The following CHD3 variants were observed in gnomAD, a reference collection of about 807,000 sequenced individuals.
CHD3 encodes the protein chromodomain helicase DNA binding protein 3.
A neutral mutation model predicts 248.9 loss-of-function variants in CHD3; 52 were observed. The ratio of observed to expected loss-of-function variants is 0.21; its 90% CI spans 0.17 to 0.26. The LOEUF is 0.26. Among genes scored for constraint, CHD3 ranks in the 10% least tolerant of loss-of-function variants. The pLI is 1.00. For missense variants in CHD3, 1,482 were observed against 2,605.8 expected, an observed-to-expected ratio of 0.57 and a Z score of 9.39; for synonymous variants, 985 against 985.2, an observed-to-expected ratio of 1.00 and a Z score of 0.00.
chr17:7,890,787 G>A (rs760529265), intron 3 of CHD3, 46 bp downstream of exon 3: 4 of 1,581,392 alleles, frequency 2.5e-6, no homozygotes, highest in African/African-American at 2.7e-5. Context: ...CATTAAAGAC[G>A]GGCATGAGGA....
Position 7,909,060 on chromosome 17 carries a change from G to T in CHD3, c.5395-83G>T. 1 of 1,526,148 alleles carries T rather than the reference G, an allele frequency of 6.6e-7. No individual in the cohort carries two copies. Among genetic ancestry groups the T allele is most frequent in the South Asian group, 1.2e-5 (1 of 82,334 alleles). The allele number at this position is 1,526,148 out of a possible 1,614,324, so 94.5% of individuals were successfully genotyped here. On this transcript the variant is annotated intron_variant, in intron 36 of 39. Coordinates refer to ENST00000330494, the MANE Select transcript of CHD3 (RefSeq NM_001005273.3). This position sits in a 1 kb window ranked among gnomAD's most constrained non-coding sequence, Gnocchi z 8.1. ...CTGGGCCAGCAGTGAGGGCAGGGTGGGTCTCTTGCTATGTCCGCCCCCCCA... is the reference window on the plus strand; with the variant it reads ...CTGGGCCAGCAGTGAGGGCAGGGTGTGTCTCTTGCTATGTCCGCCCCCCCA...
Position 7,908,093 on chromosome 17 carries a change from G to C in CHD3, c.5152+74G>C. On this transcript the variant is annotated intron_variant, in intron 34 of 39. Transcript: ENST00000330494. This position sits in a 1 kb window ranked among gnomAD's most constrained non-coding sequence, Gnocchi z 5.8. ...CCTCATGGGGTTTCTCGTTTTGCCT[G>C]AGGCTTCCTGCTACCTTTAATTCCA... 6.7e-7 allele frequency: 1 copy of C among 1,495,528 alleles called. No individual in the cohort carries two copies. 92.6% of individuals were successfully genotyped at this position (1,495,528 alleles called of 1,614,324 possible).
At position 7,910,297 on chromosome 17, in the gene CHD3, G is replaced by T; in HGVS notation, c.5591-131G>T. The T allele has an allele frequency of 3.7e-6, 4 of 1,079,398 alleles. No individual in the cohort carries two copies. The highest frequency in any genetic ancestry group is 5.6e-6 in the Non-Finnish European group (4 of 710,618). 66.9% of individuals were successfully genotyped at this position (1,079,398 alleles called of 1,614,324 possible). On this transcript the variant is annotated intron_variant, in intron 37 of 39. Transcript: ENST00000330494. This position sits in a 1 kb window ranked among gnomAD's most constrained non-coding sequence, Gnocchi z 4.7. ...TTACTTTCTTGATCTCTGGTTCTTT[G>T]ACATCTGTGTTCTCCTCTCTCGCTC... is the stretch of plus-strand genomic sequence containing the variant.
Position 7,909,674 on chromosome 17 carries a change from C to T in CHD3, c.5590+336C>T. The T allele has an allele frequency of 2.8e-6, 1 of 361,242 alleles. No homozygotes were observed. The highest frequency in any genetic ancestry group is 5.1e-6 in the Non-Finnish European group (1 of 197,160). 22.4% of individuals were successfully genotyped at this position (361,242 alleles called of 1,614,324 possible). ...TGCTTAACATCATCCAGTTAGGGGC[C>T]TTGGACTGTGAATGCACCATACAGA... On this transcript the variant is annotated intron_variant, in intron 37 of 39. Transcript: ENST00000330494. This position sits in a 1 kb window ranked among gnomAD's most constrained non-coding sequence, Gnocchi z 8.1.
Position 7,899,758 on chromosome 17 carries a change from C to G in CHD3, c.2545-138C>G. On this transcript the variant is annotated intron_variant, in intron 15 of 39. Coordinates refer to ENST00000330494, the MANE Select transcript of CHD3 (RefSeq NM_001005273.3). This position sits in a 1 kb window ranked among gnomAD's most constrained non-coding sequence, Gnocchi z 6.8. ...GAAATGTGGGCAGAGGTTTAGGAGC[C>G]ATGGTCTGTAATCCCTGCTTGGAGA... is the stretch of plus-strand genomic sequence containing the variant. The G allele has an allele frequency of 8.4e-7, 1 of 1,191,796 alleles. No homozygotes were observed. Among genetic ancestry groups the G allele is most frequent in the Admixed American group, 2.1e-5 (1 of 46,718 alleles). The allele number at this position is 1,191,796 out of a possible 1,614,324, so 73.8% of individuals were successfully genotyped here. A position where few individuals can be genotyped will look rare whatever the true frequency, so the allele number is the denominator to read the frequency against.
chr17:7,893,391 A>G lies in CHD3; in HGVS notation c.615A>G (p.Ser205=). The G allele has an allele frequency of 1.9e-6, 3 of 1,613,764 alleles. 1 individual carries two copies. The highest frequency in any genetic ancestry group is 8.5e-7 in the Non-Finnish European group (1 of 1,179,838). The change falls in exon 5 of 40, where the codon TCA becomes TCG. Residue 205 remains serine (S), a synonymous_variant. Transcript: ENST00000330494. The part of the protein sequence containing the change: ...EFSANNPFKG[S]AAAVAAAAAA... ...GTGCCAACAACCCCTTCAAGGGGTC[A>G]GCAGCTGCTGTGGCGGCGGCAGCGG...
chr17:7,884,872 A>C, upstream of CHD3: 3 of 1,227,962 alleles, frequency 2.4e-6, no homozygotes, highest in Admixed American at 2.5e-5. Context: ...AGGAGGAAGA[A>C]GAGGAGGAAG....
Position 7,903,877 on chromosome 17 carries a change from C to A in CHD3, c.3780C>A (p.Ile1260=). Residue 1260 remains isoleucine (I), a synonymous_variant, in exon 24 of 40, where the codon ATC becomes ATA. Transcript: ENST00000330494. This position sits in a 1 kb window ranked among gnomAD's most constrained non-coding sequence, Gnocchi z 6.8. ...SSVIHYDNEA[I]ARLLDRNQDA... is the part of the protein sequence containing the mutation. ...TGATTCATTATGACAATGAGGCCAT[C>A]GCTCGGCTGTTGGACCGGAACCAGG... 1 of 1,614,110 alleles carries A rather than the reference C, an allele frequency of 6.2e-7. No homozygotes were observed.
Position 7,900,170 on chromosome 17 carries a change from GA to G in CHD3, c.2683-119del. 1 of 1,536,944 alleles carries G rather than the reference GA, an allele frequency of 6.5e-7. No homozygotes were observed. The highest frequency in any genetic ancestry group is 1.2e-5 in the South Asian group (1 of 81,896). ...AGGTTGGAAGAGGGAGAGGGCCAGAGATTTGGGGCCTCTGATCCTGAGTGAA... is the reference window on the plus strand; with the variant it reads ...AGGTTGGAAGAGGGAGAGGGCCAGAGTTTGGGGCCTCTGATCCTGAGTGAA... On this transcript the variant is annotated intron_variant, in intron 16 of 39. Transcript: ENST00000330494. This position sits in a 1 kb window ranked among gnomAD's most constrained non-coding sequence, Gnocchi z 6.5.
rs1417416655 is a variant in CHD3 at position 7,895,170 on chromosome 17, C to T, written c.1503+20C>T. 1.5e-5 allele frequency: 24 copies of T among 1,610,282 alleles called. No individual in the cohort carries two copies. The highest frequency in any genetic ancestry group is 1.8e-5 in the Non-Finnish European group (21 of 1,177,696). On this transcript the variant is annotated intron_variant, in intron 9 of 39. Coordinates refer to ENST00000330494, the MANE Select transcript of CHD3 (RefSeq NM_001005273.3). The surrounding 1 kb of genome is among the most constrained non-coding windows in gnomAD (Gnocchi z 4.9). ...TGCACAGTGAGTGGAAACATCTCCCCTCTGTATTTACTGTCAGGCCTGATC... is the reference window on the plus strand; with the variant it reads ...TGCACAGTGAGTGGAAACATCTCCCTTCTGTATTTACTGTCAGGCCTGATC...
At chr17:7,890,474 T>G (rs565851075) in intron 2 of CHD3, 97 bp from the exon 3 acceptor site, 2 of 816,148 alleles carry the variant, frequency 2.5e-6, no homozygotes, top group East Asian at 6.0e-5. Context: ...CACAGGATTG[T>G]TGTGAAGATT....
In CHD3 at chr17:7,908,053, A is replaced by AG; in HGVS notation, c.5152+38dup. ...GACTCTCGCTGCTTTCTGCTCCTCA[A>AG]GGGGATCTGCTCATCCTCATGGGGT... On this transcript the variant is annotated intron_variant, in intron 34 of 39. Transcript: ENST00000330494. This position sits in a 1 kb window ranked among gnomAD's most constrained non-coding sequence, Gnocchi z 5.8. 1.9e-6 allele frequency: 3 copies of AG among 1,570,400 alleles called. No homozygotes were observed. The African/African-American group carries it at 4.1e-5, about 21-fold the overall frequency.
rs1969327969 is a variant in CHD3, at chr17:7,894,219, C to T, written c.1029C>T (p.Arg343=). 2.5e-6 allele frequency: 4 copies of T among 1,614,068 alleles called. No homozygotes were observed. Among genetic ancestry groups the T allele is most frequent in the Non-Finnish European group, 3.4e-6 (4 of 1,180,042 alleles). ...CAGGCCGGCCTGATGGCCCTGTCCG[C>T]ACCAAGAAACTAAAGAGAGGCCGGC... is the stretch of plus-strand genomic sequence containing the variant. ...SASGRPDGPV[R]TKKLKRGRPG... Residue 343 remains arginine, a synonymous_variant, in exon 7 of 40, where the codon CGC becomes CGT. Coordinates refer to ENST00000330494, the MANE Select transcript of CHD3 (RefSeq NM_001005273.3).
rs554630277 is a variant in CHD3, at chr17:7,891,738, G to A, written c.509+674G>A. Among the ~76,000 whole-genome samples, 8 of 152,146 alleles carry A rather than the reference G, an allele frequency of 5.3e-5. No homozygotes were observed. In the South Asian group the frequency reaches 1.5e-3, roughly 28 times the overall value. On this transcript the variant is annotated intron_variant, in intron 4 of 39. Transcript: ENST00000330494. ...TAGCTGGGCGTGGTGGCACATGCCT[G>A]TAATCCCAGCTACTCGGGAGGCTAA...
chr17:7,888,904 C>A lies in CHD3; in HGVS notation c.-97C>A, dbSNP rs1249787665. 1.8e-5 allele frequency: 28 copies of A among 1,572,686 alleles called. No homozygotes were observed. Among genetic ancestry groups the A allele is most frequent in the Non-Finnish European group, 2.4e-5 (28 of 1,159,872 alleles). On this transcript the variant is annotated 5_prime_UTR_variant, in exon 1 of 40. Transcript: ENST00000330494. ...ACAAAGGGTATGGCCCCCTAGTTCCCAAAGGGAGCAGGGAGATGGGAATAG... is the reference window on the plus strand; with the variant it reads ...ACAAAGGGTATGGCCCCCTAGTTCCAAAAGGGAGCAGGGAGATGGGAATAG...
At position 7,909,673 on chromosome 17, in the gene CHD3, C is replaced by A. The variant is rs1231921951; in HGVS notation, c.5590+335C>A. 2.2e-5 allele frequency: 8 copies of A among 363,162 alleles called. No individual in the cohort carries two copies. Among genetic ancestry groups the A allele is most frequent in the Non-Finnish European group, 4.0e-5 (8 of 198,470 alleles). 22.5% of individuals were successfully genotyped at this position (363,162 alleles called of 1,614,324 possible). The stretch of plus-strand genomic sequence containing the variant: ...CTGCTTAACATCATCCAGTTAGGGG[C>A]CTTGGACTGTGAATGCACCATACAG... On this transcript the variant is annotated intron_variant, in intron 37 of 39. Coordinates refer to ENST00000330494, the MANE Select transcript of CHD3 (RefSeq NM_001005273.3). The surrounding 1 kb of genome is among the most constrained non-coding windows in gnomAD (Gnocchi z 8.1).
Position 7,905,774 on chromosome 17 carries a change from G to A in CHD3, c.4224+68G>A. 6.2e-6 allele frequency: 10 copies of A among 1,613,534 alleles called. No individual in the cohort carries two copies. The highest frequency in any genetic ancestry group is 8.5e-6 in the Non-Finnish European group (10 of 1,179,484). On this transcript the variant is annotated intron_variant, in intron 27 of 39. Coordinates refer to ENST00000330494, the MANE Select transcript of CHD3 (RefSeq NM_001005273.3). This position sits in a 1 kb window ranked among gnomAD's most constrained non-coding sequence, Gnocchi z 5.8. ...TGAGGGCAGGAGGTTGGAAGTTGGT[G>A]CCTGGATCACTGAAGGTAGAAAGGA...
At position 7,889,864 on chromosome 17, in the gene CHD3, G is replaced by A. The variant is rs1597916627; in HGVS notation, c.213+88G>A. 1.5e-6 allele frequency: 2 copies of A among 1,299,690 alleles called. No individual in the cohort carries two copies. Among genetic ancestry groups the A allele is most frequent in the East Asian group, 5.1e-5 (2 of 39,592 alleles). 80.5% of individuals were successfully genotyped at this position (1,299,690 alleles called of 1,614,324 possible). A position where few individuals can be genotyped will look rare whatever the true frequency, so the allele number is the denominator to read the frequency against. On this transcript the variant is annotated intron_variant, in intron 2 of 39. Transcript: ENST00000330494. The surrounding 1 kb of genome is among the most constrained non-coding windows in gnomAD (Gnocchi z 4.5). ...ATTTTCTCTGGTCCTGATTACTGGT[G>A]TGGGGGTGGGGTTCTGAAGCCAGGG...
Position 7,908,594 on chromosome 17 carries a change from G to A in CHD3, c.5261+84G>A, listed in dbSNP as rs1397228681. The A allele has an allele frequency of 4.4e-6, 7 of 1,589,230 alleles. No individual in the cohort carries two copies. The African/African-American group carries it at 9.4e-5, about 21-fold the overall frequency. Reference sequence around the variant, plus strand: ...AAGATGATTTCACACCCAGGGACAGGGCTAGTGCCACACTTTGGGGAGTCA... The same window carrying A: ...AAGATGATTTCACACCCAGGGACAGAGCTAGTGCCACACTTTGGGGAGTCA... On this transcript the variant is annotated intron_variant, in intron 35 of 39. Coordinates refer to ENST00000330494, the MANE Select transcript of CHD3 (RefSeq NM_001005273.3). This position sits in a 1 kb window ranked among gnomAD's most constrained non-coding sequence, Gnocchi z 5.8.
Sources: gnomAD v4.1 joint callset for allele counts (sites outside exome capture counted in the v4.1 genomes callset) on GRCh38, gnomAD v4.1.1 for gene constraint, Gnocchi (gnomAD v3.1) non-coding constraint, MANE v1.5 for transcripts, NCBI Gene and HGNC (gene_info 2026-07-23, HGNC 2026-07-21) for gene names.